DNAJC5B: variants seen among roughly 807,000 people sequenced by gnomAD.
DNAJC5B encodes DnaJ heat shock protein family (Hsp40) member C5 beta.
DNAJC5B carries 23 observed loss-of-function variants against 24.7 expected under a neutral mutation model. That is an observed-to-expected ratio of 0.93 (90% CI 0.67 to 1.32). The LOEUF (loss-of-function observed/expected upper bound fraction) is 1.32. Ranked by LOEUF, DNAJC5B falls within the 40% of genes most tolerant of loss-of-function variation. The probability of loss-of-function intolerance (pLI) is 0.00; values close to 1 mark genes in which losing one functional copy is unlikely to be tolerated. For missense variants in DNAJC5B, 238 were observed against 240.8 expected (o/e 0.99, Z 0.08); for synonymous variants, 101 against 90.1 (o/e 1.12, Z -0.68).
chr8:66,091,449 A>T (rs953768963), intron 5 of DNAJC5B, among the ~76,000 whole-genome samples: 6 of 152,128 alleles, frequency 3.9e-5, no homozygotes, highest in African/African-American at 1.4e-4. Flanking sequence ...GAAGGGACCA[A>T]TCTTAGTACA....
chr8:66,073,193 A>C (rs2128963238), intron 3 of DNAJC5B, among the ~76,000 whole-genome samples: 1 of 152,284 alleles, frequency 6.6e-6, no homozygotes. Flanking sequence ...AGAATAAAAA[A>C]ATCAACATAC....
intron 5 of DNAJC5B, among the ~76,000 whole-genome samples, chr8:66,096,503 T>G (rs1382924133): frequency 6.6e-6 from 1 of 152,202 alleles, no homozygotes; most frequent in South Asian, 2.1e-4. Flanking sequence ...TCTATTTCTC[T>G]ATAAAGTTCT....
intron 5 of DNAJC5B, among the ~76,000 whole-genome samples, chr8:66,093,302 T>C (rs1349424005): frequency 1.3e-5 from 2 of 152,124 alleles, no homozygotes; most frequent in African/African-American, 4.8e-5. Flanking sequence ...GTACAACTTA[T>C]TAGGTAACAT....
At chr8:66,089,138 G>C (rs1022263512) in intron 5 of DNAJC5B, among the ~76,000 whole-genome samples, 3 of 152,304 alleles carry the variant, frequency 2.0e-5, no homozygotes, top group Admixed American at 2.0e-4. Flanking sequence ...GAAATTTACA[G>C]TCATGGAGGA....
chr8:66,076,538 ACT>A lies in DNAJC5B; in HGVS notation c.120-120_120-119del, dbSNP rs1202927948. On this transcript the variant is annotated intron_variant, in intron 3 of 5. Transcript: ENST00000276570. ...ACTTGTTAATCACCGCTAGTCTGAA[ACT>A]CACCATTTCACAGTATTTGCGCTAA... 9.3e-6 allele frequency: 10 copies of A among 1,071,022 alleles called. No homozygotes were observed. The African/African-American group carries it at 1.6e-4, about 17-fold the overall frequency. 66.3% of individuals were successfully genotyped at this position (1,071,022 alleles called of 1,614,324 possible). A position where few individuals can be genotyped will look rare whatever the true frequency, so the allele number is the denominator to read the frequency against.
At chr8:66,050,547 T>G (rs548670166) in intron 2 of DNAJC5B, among the ~76,000 whole-genome samples, 1 of 152,328 alleles carries the variant, frequency 6.6e-6, no homozygotes, top group Non-Finnish European at 1.5e-5. Context: ...TTTAAAATCC[T>G]AGGGAAGGAT....
In DNAJC5B at chr8:66,070,548, TAA is replaced by T. The variant is rs566780609; in HGVS notation, c.120-6111_120-6110del. ...AACTACAAACCACTGCTCAAGGAAATAAGAGAGGACACAAATGGAAAAACATT... is the reference window on the plus strand; with the variant it reads ...AACTACAAACCACTGCTCAAGGAAATGAGAGGACACAAATGGAAAAACATT... On this transcript the variant is annotated intron_variant, in intron 3 of 5. Transcript: ENST00000276570. Among the ~76,000 whole-genome samples the T allele has an allele frequency of 3.2e-3, 485 of 152,068 alleles. 2 individuals carry two copies. The highest frequency in any genetic ancestry group is 0.011 in the African/African-American group (462 of 41,486).
chr8:66,043,736 C>G (rs1392565085), intron 2 of DNAJC5B, 125 bp downstream of exon 2: 3 of 151,732 alleles, frequency 2.0e-5, no homozygotes, highest in African/African-American at 7.3e-5. Flanking sequence ...GTTCCAGGAA[C>G]AGGTACTGTG....
chr8:66,043,986 C>T (rs1361270024), intron 2 of DNAJC5B, among the ~76,000 whole-genome samples: 4 of 151,972 alleles, frequency 2.6e-5, no homozygotes, highest in Admixed American at 2.0e-4. Flanking sequence ...GCTACCACAG[C>T]TAATTTTTGT....
At chr8:66,027,947 T>C (rs180985441) in intron 1 of DNAJC5B, among the ~76,000 whole-genome samples, 3 of 152,232 alleles carry the variant, frequency 2.0e-5, no homozygotes, top group Non-Finnish European at 1.5e-5. Flanking sequence ...TTGACATAAG[T>C]TGGGCTCTTT....
At chr8:66,081,009 T>C (rs180923092) in intron 5 of DNAJC5B, among the ~76,000 whole-genome samples, 3 of 152,250 alleles carry the variant, frequency 2.0e-5, no homozygotes, top group African/African-American at 7.2e-5. Context: ...AATGACTTGA[T>C]TATGAATTTG....
At chr8:66,050,209 G>A (rs1806816167) in intron 2 of DNAJC5B, among the ~76,000 whole-genome samples, 1 of 152,188 alleles carries the variant, frequency 6.6e-6, no homozygotes, top group African/African-American at 2.4e-5. Context: ...CCATGCTCAG[G>A]GAGCTGCCAC....
At chr8:66,027,609 G>C (rs1480982879) in intron 1 of DNAJC5B, among the ~76,000 whole-genome samples, 4 of 152,208 alleles carry the variant, frequency 2.6e-5, no homozygotes, top group African/African-American at 9.7e-5. Flanking sequence ...GTTTTAGCCA[G>C]TTGAGAAGAC....
chr8:66,097,798 G>T (rs1327421256), intron 5 of DNAJC5B, among the ~76,000 whole-genome samples: 1 of 151,982 alleles, frequency 6.6e-6, no homozygotes, highest in East Asian at 1.9e-4. Context: ...TAGCTCCATA[G>T]TTTTAGCTTC....
chr8:66,085,682 G>A (rs1293616858), intron 5 of DNAJC5B, among the ~76,000 whole-genome samples: 1 of 151,990 alleles, frequency 6.6e-6, no homozygotes, highest in Non-Finnish European at 1.5e-5. Flanking sequence ...ATTCCACACT[G>A]TCTTGCTCTC....
At chr8:66,024,298 A>T (rs1293972638) in intron 1 of DNAJC5B, among the ~76,000 whole-genome samples, 2 of 152,156 alleles carry the variant, frequency 1.3e-5, no homozygotes, top group Non-Finnish European at 2.9e-5. Context: ...TAATTTTAAA[A>T]GTTGTGTAAT....
intron 5 of DNAJC5B, among the ~76,000 whole-genome samples, chr8:66,094,953 A>G (rs1214335959): frequency 1.3e-5 from 2 of 152,104 alleles, no homozygotes; most frequent in African/African-American, 2.4e-5. Context: ...AGATAATTAA[A>G]TTCAGCATAG....
chr8:66,037,754 A>G (rs542373240), intron 1 of DNAJC5B, among the ~76,000 whole-genome samples: 5 of 152,400 alleles, frequency 3.3e-5, no homozygotes, highest in Admixed American at 6.5e-5. Context: ...TTTGCAGACC[A>G]GAAGCTCTAC....
intron 1 of DNAJC5B, among the ~76,000 whole-genome samples, chr8:66,026,984 G>A (rs1806259602): frequency 6.6e-6 from 1 of 152,198 alleles, no homozygotes; most frequent in African/African-American, 2.4e-5. Context: ...TTTTAAAAAT[G>A]CATAGATTGT....
Sources: gnomAD v4.1 joint callset for allele counts (sites outside exome capture counted in the v4.1 genomes callset) on GRCh38, gnomAD v4.1.1 for gene constraint, MANE v1.5 for transcripts, NCBI Gene and HGNC (gene_info 2026-07-23, HGNC 2026-07-21) for gene names.